CSMD3: variants seen among roughly 807,000 people sequenced by gnomAD.
The protein encoded by CSMD3 is CUB and Sushi multiple domains 3.
In CSMD3, 177 loss-of-function variants were observed where a neutral mutation model predicts 435.2. The ratio of observed to expected loss-of-function variants is 0.41; its 90% CI spans 0.36 to 0.46. The LOEUF is 0.46. Ranked by LOEUF, CSMD3 falls within the 20% of genes least tolerant of loss-of-function variation. CSMD3 has a pLI of 0.34. For synonymous variants in CSMD3, 1,656 were observed against 1,520.5 expected (o/e 1.09, Z -2.07); for missense variants, 4,265 against 4,504.6 (o/e 0.95, Z 1.52).
chr8:112,281,214 T>G lies in CSMD3; in HGVS notation c.9468A>C (p.Thr3156=). 6.2e-7 allele frequency: 1 copy of G among 1,613,450 alleles called. No individual in the cohort carries two copies. Among genetic ancestry groups the G allele is most frequent in the East Asian group, 2.2e-5 (1 of 44,818 alleles). The change falls in exon 59 of 71, where the codon ACA becomes ACC. Residue 3156 remains threonine (T), a synonymous_variant. Transcript: ENST00000297405. ...AAGTTCCAGACCATGTTCCATTGGCTGTGCACTGTCTAACTGAAGGTCCAG... is the reference window on the plus strand; with the variant it reads ...AAGTTCCAGACCATGTTCCATTGGCGGTGCACTGTCTAACTGAAGGTCCAG... The part of the protein sequence containing the change: ...ILSGPSVRQC[T]ANGTWSGTLP...
chr8:113,277,562 T>C (rs757112575), intron 3 of CSMD3, among the ~76,000 whole-genome samples: 1 of 152,004 alleles, frequency 6.6e-6, no homozygotes, highest in African/African-American at 2.4e-5. Flanking sequence ...TTCTATTTAC[T>C]ATGTGATTGT....
chr8:113,297,636 T>C (rs2093732606), intron 2 of CSMD3, among the ~76,000 whole-genome samples: 1 of 152,074 alleles, frequency 6.6e-6, no homozygotes, highest in Non-Finnish European at 1.5e-5. Context: ...CATAATAGTA[T>C]TATGTTAAGT....
At chr8:113,237,652 C>G (rs914793078) in intron 3 of CSMD3, among the ~76,000 whole-genome samples, 1 of 152,172 alleles carries the variant, frequency 6.6e-6, no homozygotes, top group African/African-American at 2.4e-5. Context: ...GTTTAATTAA[C>G]AGCCATTTGT....
At chr8:113,332,470 G>GTATTTTTATATTTTA (rs2094035655) in intron 1 of CSMD3, among the ~76,000 whole-genome samples, 1 of 149,554 alleles carries the variant, frequency 6.7e-6, no homozygotes, top group Non-Finnish European at 1.5e-5. Flanking sequence ...AAAAATCACT[G>GTATTTTTATATTTTA]TATTTTTATA....
At chr8:112,451,240 T>A (rs2130597998) in intron 32 of CSMD3, among the ~76,000 whole-genome samples, 1 of 152,268 alleles carries the variant, frequency 6.6e-6, no homozygotes, top group Admixed American at 6.5e-5. Context: ...TATCTCTGGA[T>A]AGTGAAGTTA....
chr8:112,380,456 C>T lies in CSMD3; in HGVS notation c.6032G>A (p.Gly2011Glu), dbSNP rs764085589. The T allele has an allele frequency of 6.7e-7, 1 of 1,486,162 alleles. No homozygotes were observed. Among genetic ancestry groups the T allele is most frequent in the Non-Finnish European group, 9.4e-7 (1 of 1,064,174 alleles). The allele number at this position is 1,486,162 out of a possible 1,614,324, so 92.1% of individuals were successfully genotyped here. A position where few individuals can be genotyped will look rare whatever the true frequency, so the allele number is the denominator to read the frequency against. Residue 2011 changes from glycine to glutamate, a missense_variant and splice_region_variant, in exon 38 of 71, where the codon GGA becomes GAA. Around this residue, in one of 3 missense-constraint regions of CSMD3, gnomAD observed 3,255 missense variants for 3,380.2 expected, o/e 0.96. Transcript: ENST00000297405. ...ATTCAAAAGATGGGGTATTGTTGTT[C>T]CTGAAATGATATATGAGAAGGCAAG... ...NNAPRLGSYS[G>E]TTIPHLLNST...
intron 22 of CSMD3, among the ~76,000 whole-genome samples, chr8:112,619,999 G>T (rs1833945577): frequency 6.6e-6 from 1 of 152,052 alleles, no homozygotes; most frequent in Admixed American, 6.6e-5. Context: ...GACTTAACTT[G>T]CTGATTACAT....
At chr8:112,628,276 C>G (rs796931857) in intron 22 of CSMD3, among the ~76,000 whole-genome samples, 1 of 152,076 alleles carries the variant, frequency 6.6e-6, no homozygotes, top group Non-Finnish European at 1.5e-5. Flanking sequence ...TATACAGGTA[C>G]AGAATTCATC....
At chr8:112,896,795 T>A (rs1421347760) in intron 10 of CSMD3, among the ~76,000 whole-genome samples, 2 of 151,494 alleles carry the variant, frequency 1.3e-5, no homozygotes, top group East Asian at 3.9e-4. Context: ...AAAATGCAAA[T>A]CTGAATATAT....
At chr8:112,280,765 G>A (rs145524516) in intron 59 of CSMD3, among the ~76,000 whole-genome samples, 118 of 152,138 alleles carry the variant, frequency 7.8e-4, no homozygotes, top group African/African-American at 2.7e-3. Context: ...GACTCACTAC[G>A]ACAGTGCAAG....
chr8:112,694,086 C>A (rs1349751562), intron 13 of CSMD3, among the ~76,000 whole-genome samples: 1 of 151,374 alleles, frequency 6.6e-6, no homozygotes, highest in African/African-American at 2.4e-5. Flanking sequence ...TACAATTTCC[C>A]CCCTTAATTT....
intron 5 of CSMD3, among the ~76,000 whole-genome samples, chr8:113,048,121 C>T (rs897045879): frequency 1.4e-5 from 2 of 140,734 alleles, no homozygotes; most frequent in South Asian, 4.4e-4. Context: ...GAGACCGAGT[C>T]TCGCTCTGTC....
At chr8:112,589,405 A>G (rs1830988878) in intron 22 of CSMD3, among the ~76,000 whole-genome samples, 1 of 152,200 alleles carries the variant, frequency 6.6e-6, no homozygotes, top group Admixed American at 6.5e-5. Context: ...CATAAGGAAA[A>G]TTACTTGATA....
intron 3 of CSMD3, among the ~76,000 whole-genome samples, chr8:113,196,925 TTC>T (rs2092662820): frequency 1.3e-5 from 2 of 151,232 alleles, no homozygotes. Flanking sequence ...AGCCCTGACA[TTC>T]TGTTTGTGCA....
At chr8:112,404,946 G>T (rs1004238223) in intron 35 of CSMD3, among the ~76,000 whole-genome samples, 1 of 151,328 alleles carries the variant, frequency 6.6e-6, no homozygotes, top group East Asian at 1.9e-4. Context: ...GGGAGGCCGA[G>T]GGGGGTGGAT....
intron 6 of CSMD3, among the ~76,000 whole-genome samples, chr8:112,999,192 G>GA (rs139298387): frequency 0.024 from 3,672 of 150,124 alleles, 241 homozygotes; most frequent in East Asian, 0.2. Flanking sequence ...ATAGCACTAT[G>GA]AAAAAAAAAT....
intron 1 of CSMD3, among the ~76,000 whole-genome samples, chr8:113,333,493 T>A (rs2094043906): frequency 1.3e-5 from 2 of 151,886 alleles, no homozygotes; most frequent in Non-Finnish European, 3.0e-5. Context: ...TGCTTTCCTG[T>A]GCATGTCCAA....
intron 58 of CSMD3, among the ~76,000 whole-genome samples, chr8:112,286,609 T>C (rs1819225227): frequency 6.6e-6 from 1 of 152,112 alleles, no homozygotes; most frequent in South Asian, 2.1e-4. Flanking sequence ...TATTTTACTA[T>C]TATAGTTTTA....
chr8:113,405,968 C>G (rs1410433756), intron 1 of CSMD3, among the ~76,000 whole-genome samples: 1 of 151,692 alleles, frequency 6.6e-6, no homozygotes, highest in Non-Finnish European at 1.5e-5. Context: ...AACTATGTCC[C>G]TTGGTAATGT....
Sources: gnomAD v4.1 joint callset for allele counts (sites outside exome capture counted in the v4.1 genomes callset) on GRCh38, gnomAD v4.1.1 for gene constraint, gnomAD v4.1.1 regional missense constraint, MANE v1.5 for transcripts, NCBI Gene and HGNC (gene_info 2026-07-23, HGNC 2026-07-21) for gene names.